The following FBXO27 variants were observed in gnomAD, a reference collection of about 807,000 sequenced individuals.
FBXO27 encodes the protein F-box protein 27.
A neutral mutation model predicts 28.3 loss-of-function variants in FBXO27; 28 were observed. That is an observed-to-expected ratio of 0.99 (90% CI 0.73 to 1.36). FBXO27 has a LOEUF of 1.36. FBXO27 is among the 40% of genes most tolerant of loss of function. FBXO27 has a pLI of 0.00. For missense variants in FBXO27, 388 were observed against 394.1 expected, an observed-to-expected ratio of 0.98 and a Z score of 0.13; for synonymous variants, 175 against 167.3, an observed-to-expected ratio of 1.05 and a Z score of -0.36.
downstream of FBXO27, among the ~76,000 whole-genome samples, chr19:39,020,892 T>C (rs900613646): frequency 2.0e-5 from 3 of 151,768 alleles, no homozygotes; most frequent in African/African-American, 7.3e-5. Context: ...TCTCGCTCTG[T>C]CACCCAGGCT....
chr19:39,032,435 G>C lies in FBXO27; in HGVS notation c.-27+68C>G, dbSNP rs1290701979. On this transcript the variant is annotated intron_variant, in intron 1 of 5. Transcript: ENST00000292853. This position sits in a 1 kb window ranked among gnomAD's most constrained non-coding sequence, Gnocchi z 4.7. ...ATCCCGGAGACCCCGCGGTCTGTGTGTATGCCCCGAATTGCATGCAATCAG... is the reference window on the plus strand; with the variant it reads ...ATCCCGGAGACCCCGCGGTCTGTGTCTATGCCCCGAATTGCATGCAATCAG... 1.4e-6 allele frequency: 1 copy of C among 701,056 alleles called. No homozygotes were observed. The highest frequency in any genetic ancestry group is 3.5e-5 in the East Asian group (1 of 28,678). 43.4% of individuals were successfully genotyped at this position (701,056 alleles called of 1,614,324 possible).
At chr19:39,030,833 C>T in intron 4 of FBXO27, 196 bp downstream of exon 4, 6 of 620,932 alleles carry the variant, frequency 9.7e-6, no homozygotes, top group Non-Finnish European at 1.4e-5. Flanking sequence ...GTCTCGAACT[C>T]CTGACCTCAA....
chr19:39,023,960 C>T (rs2072858297), downstream of FBXO27: 1 of 152,042 alleles, frequency 6.6e-6, no homozygotes, highest in East Asian at 1.9e-4. Flanking sequence ...TCAACTGGGA[C>T]TACTTATGAT....
downstream of FBXO27, among the ~76,000 whole-genome samples, chr19:39,023,614 T>G (rs949069336): frequency 2.5e-5 from 1 of 39,666 alleles, no homozygotes; most frequent in Non-Finnish European, 6.3e-5. Context: ...CCTATTGTCT[T>G]TTTTTTTTTT....
intron 2 of FBXO27, among the ~76,000 whole-genome samples, chr19:39,014,092 T>C (rs1456434068): frequency 1.3e-5 from 2 of 152,250 alleles, no homozygotes; most frequent in Non-Finnish European, 2.9e-5. Flanking sequence ...ATGTTTTCAG[T>C]TTAGGTCCCA....
chr19:39,013,842 T>C (rs2144884350), intron 2 of FBXO27, among the ~76,000 whole-genome samples: 1 of 151,412 alleles, frequency 6.6e-6, no homozygotes, highest in Non-Finnish European at 1.5e-5. Flanking sequence ...TGAAACCCCG[T>C]CTCTACTAAA....
At chr19:39,028,266 C>T (rs764598387) in intron 4 of FBXO27, among the ~76,000 whole-genome samples, 16 of 152,046 alleles carry the variant, frequency 1.1e-4, no homozygotes, top group Middle Eastern at 3.4e-3. Flanking sequence ...GTGCCTGGCT[C>T]TCACCCTCAG....
chr19:39,032,030 C>A lies in FBXO27; in HGVS notation c.198G>T (p.Leu66=). 6.5e-7 allele frequency: 1 copy of A among 1,527,436 alleles called. No homozygotes were observed. The highest frequency in any genetic ancestry group is 8.7e-7 in the Non-Finnish European group (1 of 1,143,572). 94.6% of individuals were successfully genotyped at this position (1,527,436 alleles called of 1,614,324 possible). Residue 66 remains leucine, a synonymous_variant, in exon 2 of 6, where the codon CTG becomes CTT. Transcript: ENST00000292853. The surrounding 1 kb of genome is among the most constrained non-coding windows in gnomAD (Gnocchi z 4.7). ...GGTCGCGGGCCAGGATCAGCAGCCACAGGGCCTGGCCGTCCACCAGGGCTC... is the reference window on the plus strand; with the variant it reads ...GGTCGCGGGCCAGGATCAGCAGCCAAAGGGCCTGGCCGTCCACCAGGGCTC... ...GWRALVDGQA[L]WLLILARDHG...
chr19:39,016,080 T>C (rs760583344), intron 1 of FBXO27, among the ~76,000 whole-genome samples: 5 of 151,688 alleles, frequency 3.3e-5, no homozygotes, highest in African/African-American at 4.8e-5. Context: ...TCAAAACAAA[T>C]ACAAAACGAA....
intron 2 of FBXO27, among the ~76,000 whole-genome samples, chr19:39,011,953 C>T (rs528683236): frequency 1.6e-3 from 235 of 151,574 alleles, no homozygotes; most frequent in African/African-American, 4.7e-3. Context: ...CTCAGCCTCC[C>T]GAGTAGCTGG....
intron 2 of FBXO27, among the ~76,000 whole-genome samples, chr19:39,011,117 C>CA (rs879277349): frequency 2.0e-4 from 30 of 151,802 alleles, no homozygotes; most frequent in South Asian, 2.1e-4. Flanking sequence ...TCCATTTCTG[C>CA]AAAAAAAATG....
downstream of FBXO27, among the ~76,000 whole-genome samples, chr19:39,021,275 A>G (rs2072844145): frequency 6.6e-6 from 1 of 152,206 alleles, no homozygotes. Context: ...AGAGAAATGA[A>G]AAAGCAAAAA....
chr19:39,019,814 C>A (rs976005037), downstream of FBXO27, among the ~76,000 whole-genome samples: 6 of 152,024 alleles, frequency 3.9e-5, no homozygotes, highest in Non-Finnish European at 8.8e-5. Context: ...TGCAGTGGCT[C>A]CATCTCAGCT....
chr19:39,027,422 C>G (rs753080143), intron 4 of FBXO27, among the ~76,000 whole-genome samples: 70 of 152,264 alleles, frequency 4.6e-4, no homozygotes, highest in Non-Finnish European at 7.9e-4. Flanking sequence ...CAAGTGAACT[C>G]CCTTGGTCAA....
At chr19:39,025,673 C>T (rs2072869335) in intron 5 of FBXO27, 119 bp from the exon 6 acceptor site, 1 of 1,279,516 alleles carries the variant, frequency 7.8e-7, no homozygotes, top group African/African-American at 1.5e-5. Context: ...CCAATTGGGC[C>T]ACATGTTCTT....
Position 39,031,218 on chromosome 19 carries a change from G to A in FBXO27, c.467C>T (p.Thr156Ile), listed in dbSNP as rs757431980. 7.4e-6 allele frequency: 12 copies of A among 1,614,150 alleles called. 1 individual carries two copies. In the South Asian group the frequency reaches 1.3e-4, roughly 18 times the overall value. The change falls in exon 3 of 6, where the codon ACT becomes ATT. Residue 156 changes from threonine (T) to isoleucine (I), a missense_variant. Coordinates refer to ENST00000292853, the MANE Select transcript of FBXO27 (RefSeq NM_178820.5). ...TAGCAGGGGCATTCACCTGAATGAAGTCACGAAGCACGTCTGAGAAGGGGC... is the reference window on the plus strand; with the variant it reads ...TAGCAGGGGCATTCACCTGAATGAAATCACGAAGCACGTCTGAGAAGGGGC... ...PGAPSQTCFV[T>I]SFSWCCKKQV... is the part of the protein sequence containing the mutation.
intron 2 of FBXO27, among the ~76,000 whole-genome samples, chr19:39,013,885 C>T (rs1220737701): frequency 2.0e-5 from 3 of 147,964 alleles, no homozygotes; most frequent in Non-Finnish European, 3.0e-5. Flanking sequence ...TGGTGGTGGG[C>T]GCCTGTAGTC....
At position 39,025,504 on chromosome 19, in the gene FBXO27, G is replaced by C. The variant is rs139767377; in HGVS notation, c.759C>G (p.Phe253Leu). Residue 253 changes from phenylalanine (F) to leucine (L), a missense_variant, in exon 6 of 6, where the codon TTC becomes TTG. Transcript: ENST00000292853. Reference protein sequence around the residue: ...NIKMGVRFVSFEHRGQDTQFW... With the variant: ...NIKMGVRFVSLEHRGQDTQFW... ...ACTGTGTGTCCTGGCCCCGGTGTTC[G>C]AAAGACACAAAGCGGACGCCCATCT... 586 of 1,614,134 alleles carry C rather than the reference G, an allele frequency of 3.6e-4. No individual in the cohort carries two copies. Among genetic ancestry groups the C allele is most frequent in the Non-Finnish European group, 4.6e-4 (543 of 1,180,024 alleles).
At position 39,032,192 on chromosome 19, in the gene FBXO27, C is replaced by G. The variant is rs757074732; in HGVS notation, c.36G>C (p.Arg12=). The G allele has an allele frequency of 5.4e-6, 8 of 1,484,032 alleles. No homozygotes were observed. The highest frequency in any genetic ancestry group is 5.4e-6 in the Non-Finnish European group (6 of 1,121,456). The allele number at this position is 1,484,032 out of a possible 1,614,324, so 91.9% of individuals were successfully genotyped here. Residue 12 remains arginine, a synonymous_variant, in exon 2 of 6, where the codon CGG becomes CGC. Transcript: ENST00000292853. The surrounding 1 kb of genome is among the most constrained non-coding windows in gnomAD (Gnocchi z 4.7). ...GASVSRGRAA[R]VPAPEPEPEE... ...CGGGTTCCGGCTCCGGCGCGGGGAC[C>G]CGGGCGGCCCGGCCCCTGGAGACCG...
Sources: allele counts gnomAD v4.1 joint callset (sites outside exome capture counted in the v4.1 genomes callset), GRCh38; gene constraint gnomAD v4.1.1; non-coding constraint Gnocchi (gnomAD v3.1); transcripts MANE v1.5; gene names NCBI Gene and HGNC (gene_info 2026-07-23, HGNC 2026-07-21).